Variants in FANK1 observed in about 807,000 individuals in gnomAD.
The protein encoded by FANK1 is fibronectin type 3 and ankyrin repeat domains protein 1.
In FANK1, 44 loss-of-function variants were observed where a neutral mutation model predicts 45.3. That is an observed-to-expected ratio of 0.97 (90% confidence interval 0.76 to 1.25). The LOEUF is 1.25. Among genes scored for constraint, FANK1 ranks in the 50% most tolerant of loss-of-function variants. The probability of loss-of-function intolerance (pLI) is 0.00; values close to 1 mark genes in which losing one functional copy is unlikely to be tolerated. For missense variants in FANK1, 391 were observed against 424.4 expected (o/e 0.92, Z 0.69); for synonymous variants, 149 against 152.5 (o/e 0.98, Z 0.17).
chr10:125,947,693 TAGAC>T (rs1948910538), intron 1 of FANK1, among the ~76,000 whole-genome samples: 1 of 148,336 alleles, frequency 6.7e-6, no homozygotes, highest in Middle Eastern at 3.6e-3. Context: ...CTGTCAACAT[TAGAC>T]AGATCAACGA....
chr10:125,911,243 G>A (rs113899072), intron 1 of FANK1, among the ~76,000 whole-genome samples: 54 of 151,900 alleles, frequency 3.6e-4, no homozygotes, highest in African/African-American at 1.1e-3. Flanking sequence ...GGAAGTGGTG[G>A]TTGCAGTGAT....
chr10:125,957,883 T>G (rs974759440), intron 1 of FANK1, among the ~76,000 whole-genome samples: 1 of 152,166 alleles, frequency 6.6e-6, no homozygotes, highest in Non-Finnish European at 1.5e-5. Context: ...TGACACACTT[T>G]CCTTCTGAGT....
chr10:125,921,122 T>A (rs1225289323), intron 1 of FANK1, among the ~76,000 whole-genome samples: 1 of 152,222 alleles, frequency 6.6e-6, no homozygotes, highest in East Asian at 1.9e-4. Context: ...TATTGAACTT[T>A]CCAATCCGTG....
chr10:125,988,022 G>T (rs551541667), intron 2 of FANK1, among the ~76,000 whole-genome samples: 6 of 152,320 alleles, frequency 3.9e-5, no homozygotes, highest in African/African-American at 1.4e-4. Context: ...CATGATGTTA[G>T]CATTGTCTTC....
intron 1 of FANK1, among the ~76,000 whole-genome samples, chr10:125,963,172 T>C (rs11244733): frequency 0.36 from 54,522 of 151,992 alleles, 10,084 homozygotes; most frequent in South Asian, 0.43. Flanking sequence ...TTAGTAGAGA[T>C]GAGGTTTCAC....
intron 1 of FANK1, among the ~76,000 whole-genome samples, chr10:125,924,418 T>C (rs1408056545): frequency 1.3e-5 from 2 of 151,852 alleles, no homozygotes; most frequent in African/African-American, 4.8e-5. Context: ...CACGCCCACC[T>C]AATTTTTGTA....
At chr10:125,943,034 G>A (rs1231448607) in intron 1 of FANK1, among the ~76,000 whole-genome samples, 6 of 151,940 alleles carry the variant, frequency 3.9e-5, no homozygotes, top group South Asian at 2.1e-4. Context: ...GGCTGGTCTC[G>A]AACTTCTGAC....
chr10:125,929,949 G>A (rs2134140413), intron 1 of FANK1, among the ~76,000 whole-genome samples: 1 of 152,318 alleles, frequency 6.6e-6, no homozygotes, highest in South Asian at 2.1e-4. Flanking sequence ...AGTGTGAATT[G>A]GCCTGATGTT....
At chr10:125,907,969 C>T (rs1360813030) in intron 1 of FANK1, among the ~76,000 whole-genome samples, 7 of 150,926 alleles carry the variant, frequency 4.6e-5, no homozygotes, top group African/African-American at 1.5e-4. Context: ...ACAGAAAATA[C>T]GAGAGAATAA....
rs370489198 is a variant in FANK1 at position 125,948,490 on chromosome 10, C to T, written c.14-31671C>T. Among the ~76,000 whole-genome samples, 133 of 152,206 alleles carry T rather than the reference C, an allele frequency of 8.7e-4. No homozygotes were observed. In the East Asian group the frequency reaches 0.018, roughly 21 times the overall value. The stretch of plus-strand genomic sequence containing the variant: ...TCAGAGAATACTACAAACACCTCTA[C>T]GCAAATAAATTAGAAAATCTAGAAG... On this transcript the variant is annotated intron_variant, in intron 1 of 10. Transcript: ENST00000368693.
chr10:125,994,453 C>T (rs1452822368), intron 3 of FANK1: 16 of 984,998 alleles, frequency 1.6e-5, no homozygotes, highest in Middle Eastern at 1.0e-3. Flanking sequence ...TTGCCGTTTG[C>T]GGATGAGGGG....
chr10:126,002,763 CTTTTT>C (rs375158618), intron 6 of FANK1, among the ~76,000 whole-genome samples: 6 of 113,228 alleles, frequency 5.3e-5, no homozygotes, highest in African/African-American at 2.0e-4. Context: ...TTTGCCTCTC[CTTTTT>C]TTTTTTTTTT....
At chr10:125,915,095 C>T (rs1439477650) in intron 1 of FANK1, among the ~76,000 whole-genome samples, 2 of 152,208 alleles carry the variant, frequency 1.3e-5, no homozygotes, top group African/African-American at 4.8e-5. Flanking sequence ...CAACTCCACA[C>T]TCCTGAGTCG....
At chr10:125,987,798 GTCTTA>G (rs1367352161) in intron 2 of FANK1, among the ~76,000 whole-genome samples, 1 of 152,260 alleles carries the variant, frequency 6.6e-6, no homozygotes, top group East Asian at 1.9e-4. Context: ...AGAAGGTGGG[GTCTTA>G]TCTTAGCACT....
intron 2 of FANK1, among the ~76,000 whole-genome samples, chr10:125,985,116 C>T (rs894199978): frequency 1.3e-5 from 2 of 152,200 alleles, no homozygotes; most frequent in Non-Finnish European, 2.9e-5. Context: ...TTTCCCTTTC[C>T]AGGGGTTATG....
chr10:125,904,652 A>C (rs1185969073), intron 1 of FANK1, among the ~76,000 whole-genome samples: 6 of 151,448 alleles, frequency 4.0e-5, no homozygotes. Flanking sequence ...CTGGGATTAC[A>C]GGCATGAACC....
chr10:125,937,750 C>G (rs1948194469), intron 1 of FANK1, among the ~76,000 whole-genome samples: 1 of 151,528 alleles, frequency 6.6e-6, no homozygotes, highest in Admixed American at 6.6e-5. Flanking sequence ...ATAGGTTTTG[C>G]AAAAAATAAG....
intron 1 of FANK1, among the ~76,000 whole-genome samples, chr10:125,967,017 A>C (rs1402208842): frequency 6.6e-6 from 1 of 152,136 alleles, no homozygotes; most frequent in South Asian, 2.1e-4. Context: ...CCCTTTCCTT[A>C]GTATATCATC....
intron 1 of FANK1, among the ~76,000 whole-genome samples, chr10:125,953,153 G>C (rs569020372): frequency 6.6e-6 from 1 of 152,254 alleles, no homozygotes; most frequent in African/African-American, 2.4e-5. Flanking sequence ...TCCATTTCTA[G>C]CCAGTTCCCA....
Sources: allele counts gnomAD v4.1 joint callset (sites outside exome capture counted in the v4.1 genomes callset), GRCh38; gene constraint gnomAD v4.1.1; transcripts MANE v1.5; gene names NCBI Gene and HGNC (gene_info 2026-07-23, HGNC 2026-07-21).